Variants in SEMA3C observed in about 807,000 individuals in gnomAD.
The protein encoded by SEMA3C is semaphorin-3C.
SEMA3C carries 47 observed loss-of-function variants against 89.4 expected under a neutral mutation model. The observed-to-expected ratio is 0.53, with a 90% CI of 0.42 to 0.67. The LOEUF is 0.67. Ranked by LOEUF, SEMA3C falls within the 30% of genes least tolerant of loss-of-function variation. The pLI is 0.00. For missense variants in SEMA3C, 839 were observed against 929.1 expected, an observed-to-expected ratio of 0.90 and a Z score of 1.26; for synonymous variants, 310 against 320.2, an observed-to-expected ratio of 0.97 and a Z score of 0.34.
At chr7:80,819,156 C>A (rs572750187) in intron 4 of SEMA3C, among the ~76,000 whole-genome samples, 1 of 151,934 alleles carries the variant, frequency 6.6e-6, no homozygotes, top group African/African-American at 2.4e-5. Context: ...TATTATTTGG[C>A]AATACTTTGC....
At chr7:80,837,783 A>G (rs960734455) in intron 2 of SEMA3C, among the ~76,000 whole-genome samples, 1 of 152,178 alleles carries the variant, frequency 6.6e-6, no homozygotes, top group African/African-American at 2.4e-5. Context: ...GTCAGGTCTC[A>G]GGTTCGCTGA....
At chr7:80,801,524 C>A (rs1280505128) in intron 9 of SEMA3C, among the ~76,000 whole-genome samples, 1 of 151,748 alleles carries the variant, frequency 6.6e-6, no homozygotes, top group Non-Finnish European at 1.5e-5. Context: ...TAATCAATTG[C>A]CATGATTATA....
chr7:80,794,910 TG>T (rs1050965259), intron 11 of SEMA3C, among the ~76,000 whole-genome samples: 13 of 152,136 alleles, frequency 8.5e-5, no homozygotes, highest in African/African-American at 2.9e-4. Flanking sequence ...GGCTTGCTGG[TG>T]GGGTCGTTTG....
chr7:80,761,544 T>C, intron 14 of SEMA3C, 72 bp downstream of exon 14: 1 of 828,212 alleles, frequency 1.2e-6, no homozygotes. Context: ...TATTCAGAAG[T>C]TATAAAATAT....
At chr7:80,812,199 T>C (rs1436264335) in intron 5 of SEMA3C, among the ~76,000 whole-genome samples, 3 of 152,140 alleles carry the variant, frequency 2.0e-5, no homozygotes, top group Non-Finnish European at 4.4e-5. Context: ...CTGCAGGACC[T>C]CCCTAAACAT....
upstream of SEMA3C, chr7:80,919,089 T>A (rs1465670468): frequency 1.0e-6 from 1 of 984,778 alleles, no homozygotes; most frequent in Admixed American, 6.2e-5. Flanking sequence ...CGAGCGCTCT[T>A]GGTGTCCGAT....
chr7:80,744,795 G>T lies in SEMA3C; in HGVS notation c.*99C>A. On this transcript the variant is annotated 3_prime_UTR_variant, in exon 18 of 18. Transcript: ENST00000265361. ...ACTTCAGGAGTAATCACCTTTTTCA[G>T]TAATTCCCCTTGGTAAAGCACAAGT... The T allele has an allele frequency of 1.5e-6, 2 of 1,357,004 alleles. No individual in the cohort carries two copies. Among genetic ancestry groups the T allele is most frequent in the Admixed American group, 1.9e-5 (1 of 51,410 alleles). The allele number at this position is 1,357,004 out of a possible 1,614,324, so 84.1% of individuals were successfully genotyped here.
chr7:80,862,164 CTGA>C (rs1483810681), intron 2 of SEMA3C, among the ~76,000 whole-genome samples: 1 of 152,070 alleles, frequency 6.6e-6, no homozygotes, highest in Non-Finnish European at 1.5e-5. Flanking sequence ...TCACTGTTTG[CTGA>C]TGATAGGACC....
At chr7:80,865,268 C>CT (rs1333534440) in intron 2 of SEMA3C, among the ~76,000 whole-genome samples, 1 of 151,878 alleles carries the variant, frequency 6.6e-6, no homozygotes, top group Non-Finnish European at 1.5e-5. Context: ...GATACAGAAA[C>CT]TTTTTTTTAA....
At chr7:80,749,563 A>G (rs1490832941) in intron 16 of SEMA3C, among the ~76,000 whole-genome samples, 1 of 152,190 alleles carries the variant, frequency 6.6e-6, no homozygotes, top group Non-Finnish European at 1.5e-5. Context: ...TGTCTTTGGA[A>G]TCAGAGGAAC....
chr7:80,781,647 G>A lies in SEMA3C; in HGVS notation c.1354+7659C>T, dbSNP rs551353154. 1.7e-4 allele frequency among the ~76,000 whole-genome samples: 26 copies of A among 152,264 alleles called. No individual in the cohort carries two copies. In the East Asian group the frequency reaches 4.5e-3, roughly 26 times the overall value. On this transcript the variant is annotated intron_variant, in intron 12 of 17. Transcript: ENST00000265361. ...TGTGAATTCTTCTCCTTGGGACAAA[G>A]CCTGCCAAGTCTGCCTCAGGGAAAC...
At chr7:80,840,085 C>G (rs1352551957) in intron 2 of SEMA3C, among the ~76,000 whole-genome samples, 1 of 152,078 alleles carries the variant, frequency 6.6e-6, no homozygotes, top group Non-Finnish European at 1.5e-5. Flanking sequence ...GCCCATAGCT[C>G]TCTATAACAC....
At chr7:80,778,739 T>G (rs1241665032) in intron 12 of SEMA3C, among the ~76,000 whole-genome samples, 1 of 152,324 alleles carries the variant, frequency 6.6e-6, no homozygotes, top group East Asian at 1.9e-4. Flanking sequence ...TGTAAGAAGA[T>G]AGGATGAGGA....
chr7:80,748,900 C>T lies in SEMA3C; in HGVS notation c.1840G>A (p.Glu614Lys). 6.2e-7 allele frequency: 1 copy of T among 1,610,928 alleles called. No homozygotes were observed. Among genetic ancestry groups the T allele is most frequent in the Non-Finnish European group, 8.5e-7 (1 of 1,178,690 alleles). Residue 614 changes from glutamate (E) to lysine (K), a missense_variant and splice_region_variant, in exon 17 of 18, where the codon GAG becomes AAG. Transcript: ENST00000265361. ...LLQKDKDRRKEVKLNERIIAT... is the reference protein window; with the variant it reads ...LLQKDKDRRKKVKLNERIIAT... ...TGCTGCTGTGCTGCTTTACTCACCT[C>T]TTTCCTCCTGTCTTTGTCTTTCTGT...
intron 2 of SEMA3C, among the ~76,000 whole-genome samples, chr7:80,897,389 G>C (rs1303170949): frequency 6.6e-6 from 1 of 152,126 alleles, no homozygotes; most frequent in Non-Finnish European, 1.5e-5. Flanking sequence ...TTCTTTTGGG[G>C]GCTGGGAACT....
intron 2 of SEMA3C, among the ~76,000 whole-genome samples, chr7:80,859,471 G>C (rs1270845209): frequency 6.6e-6 from 1 of 152,052 alleles, no homozygotes; most frequent in Non-Finnish European, 1.5e-5. Flanking sequence ...CAAGTGTCAG[G>C]TGATCCAGTA....
In SEMA3C at chr7:80,896,073, C is replaced by T. The variant is rs1258795081; in HGVS notation, c.103+20606G>A. On this transcript the variant is annotated intron_variant, in intron 2 of 17. Transcript: ENST00000265361. ...TTATCAATTGTACTTAGTAATATCC[C>T]CATAGTAGTCTAAGCATGATATTAA... Among the ~76,000 whole-genome samples the T allele has an allele frequency of 2.0e-5, 3 of 151,816 alleles. No homozygotes were observed. In the East Asian group the frequency reaches 5.8e-4, roughly 29 times the overall value.
intron 2 of SEMA3C, among the ~76,000 whole-genome samples, chr7:80,855,769 A>G (rs1790623156): frequency 6.6e-6 from 1 of 152,172 alleles, no homozygotes; most frequent in East Asian, 1.9e-4. Context: ...ATAAAAGGAG[A>G]TGACAATTTT....
chr7:80,915,163 C>A (rs565974181), intron 2 of SEMA3C, among the ~76,000 whole-genome samples: 2 of 152,050 alleles, frequency 1.3e-5, no homozygotes, highest in Non-Finnish European at 2.9e-5. Flanking sequence ...TATTTGAAAA[C>A]GTATTTCATA....
Sources: allele counts gnomAD v4.1 joint callset (sites outside exome capture counted in the v4.1 genomes callset), GRCh38; gene constraint gnomAD v4.1.1; transcripts MANE v1.5; gene names NCBI Gene and HGNC (gene_info 2026-07-23, HGNC 2026-07-21).